Variants in SLC39A13 observed in about 807,000 individuals in gnomAD.
The protein encoded by SLC39A13 is solute carrier family 39 member 13.
Under a neutral mutation model 38.7 loss-of-function variants are expected in SLC39A13, and 18 were observed. That is an observed-to-expected ratio of 0.47 (90% CI 0.32 to 0.69). The LOEUF is 0.69. SLC39A13 is among the 30% of genes least tolerant of loss of function. The probability of loss-of-function intolerance (pLI) is 0.03; values close to 1 mark genes in which losing one functional copy is unlikely to be tolerated. For synonymous variants in SLC39A13, 212 were observed against 219.1 expected, an observed-to-expected ratio of 0.97 and a Z score of 0.29; for missense variants, 395 against 490.7, an observed-to-expected ratio of 0.80 and a Z score of 1.84.
At position 47,413,281 on chromosome 11, in the gene SLC39A13, C is replaced by T. The variant is rs539312069; in HGVS notation, c.538-119C>T. The T allele has an allele frequency of 7.3e-5, 76 of 1,037,404 alleles. No homozygotes were observed. In the Middle Eastern group the frequency reaches 1.5e-3, roughly 20 times the overall value. 64.3% of individuals were successfully genotyped at this position (1,037,404 alleles called of 1,614,324 possible). A position where few individuals can be genotyped will look rare whatever the true frequency, so the allele number is the denominator to read the frequency against. On this transcript the variant is annotated intron_variant, in intron 4 of 9. Coordinates refer to ENST00000362021, the MANE Select transcript of SLC39A13 (RefSeq NM_001128225.3). The stretch of plus-strand genomic sequence containing the variant: ...TTGGGCTCCCAAAGTGCTGGGATTA[C>T]AGGCATGAGCCACTGCACCCAGCCC...
rs756288972 is a variant in SLC39A13 at position 47,411,888 on chromosome 11, G to A, written c.302-38G>A. The A allele has an allele frequency of 5.3e-5, 84 of 1,588,996 alleles. 1 individual carries two copies. In the South Asian group the frequency reaches 9.1e-4, roughly 17 times the overall value. ...GATGAAGGTCAGGCCAGGAGCTCCA[G>A]CCAGTCAGCCCCCAGACCCCGCATC... is the stretch of plus-strand genomic sequence containing the variant. On this transcript the variant is annotated intron_variant, in intron 2 of 9. Transcript: ENST00000362021.
chr11:47,415,410 C>G lies in SLC39A13; in HGVS notation c.*47C>G. On this transcript the variant is annotated 3_prime_UTR_variant, in exon 10 of 10. Transcript: ENST00000362021. ...CTGCCCCCTGCAGCAATAAGATGCTCGGATTCACTCTGTGACCGCATATGT... is the reference window on the plus strand; with the variant it reads ...CTGCCCCCTGCAGCAATAAGATGCTGGGATTCACTCTGTGACCGCATATGT... 1.3e-6 allele frequency: 2 copies of G among 1,599,184 alleles called. No individual in the cohort carries two copies. Among genetic ancestry groups the G allele is most frequent in the East Asian group, 2.2e-5 (1 of 44,820 alleles).
chr11:47,412,357 CA>C lies in SLC39A13; in HGVS notation c.428del (p.Gln143ArgfsTer18). ...GCCGCCCCCTGCAGGTGGTGAGGGG[CA>C]GAGCCTGCAGCAGCAGCAACAGCTG... ...TCSASPGGEG[Q>X]SLQQQQQLGL... On this transcript the variant is annotated frameshift_variant, in exon 4 of 10. Transcript: ENST00000362021. LOFTEE classifies it high-confidence loss of function. The C allele has an allele frequency of 6.2e-7, 1 of 1,613,726 alleles. No individual in the cohort carries two copies. Among genetic ancestry groups the C allele is most frequent in the Non-Finnish European group, 8.5e-7 (1 of 1,179,808 alleles).
rs2153299580 is a variant in SLC39A13, at chr11:47,413,644, C to T, written c.693C>T (p.Thr231=). 1 of 1,614,232 alleles carries T rather than the reference C, an allele frequency of 6.2e-7. No homozygotes were observed. ...TGGCCAACACCATCGATAACTTCAC[C>T]CACGGGCTGGCTGTGGCTGCCAGCT... ...NLLANTIDNF[T]HGLAVAASFL... is the part of the protein sequence containing the mutation. The change falls in exon 6 of 10, where the codon ACC becomes ACT. Residue 231 remains threonine, a synonymous_variant. Transcript: ENST00000362021.
chr11:47,414,366 G>T, intron 6 of SLC39A13, 59 bp from the exon 7 acceptor site: 1 of 1,558,118 alleles, frequency 6.4e-7, no homozygotes. Flanking sequence ...GAATGAGTGG[G>T]CGAGTGGGGT....
At chr11:47,409,859 A>G in intron 1 of SLC39A13, 2 of 537,328 alleles carry the variant, frequency 3.7e-6, no homozygotes, top group East Asian at 3.1e-5. Context: ...GTGCTGACAC[A>G]GTCTGGAGCT....
At position 47,415,351 on chromosome 11, in the gene SLC39A13, C is replaced by G. The variant is rs748581195; in HGVS notation, c.1104C>G (p.Leu368=). ...TCGTGGTAATGGTGCTGTTCTCGCT[C>G]TTCGTGGATTAACTTTCCCTGATGC... is the stretch of plus-strand genomic sequence containing the variant. ...AGIVVMVLFS[L]FVD Residue 368 remains leucine, a synonymous_variant, in exon 10 of 10, where the codon CTC becomes CTG. Coordinates refer to ENST00000362021, the MANE Select transcript of SLC39A13 (RefSeq NM_001128225.3). The G allele has an allele frequency of 6.2e-7, 1 of 1,614,128 alleles. No homozygotes were observed. The highest frequency in any genetic ancestry group is 8.5e-7 in the Non-Finnish European group (1 of 1,180,022).
At chr11:47,412,238 C>T (rs2096003260) in intron 3 of SLC39A13, 108 bp from the exon 4 acceptor site, 2 of 1,470,084 alleles carry the variant, frequency 1.4e-6, no homozygotes, top group South Asian at 2.4e-5. Context: ...CCCAACCCAC[C>T]CTTGTCACTG....
At chr11:47,409,889 G>T in intron 1 of SLC39A13, 198 bp from the exon 2 acceptor site, 1 of 609,264 alleles carries the variant, frequency 1.6e-6, no homozygotes, top group Non-Finnish European at 2.9e-6. Flanking sequence ...GAAAAAATAC[G>T]CAGTGCTCAG....
chr11:47,414,325 G>C, intron 6 of SLC39A13, 100 bp from the exon 7 acceptor site: 1 of 1,406,312 alleles, frequency 7.1e-7, no homozygotes, highest in Non-Finnish European at 9.8e-7. Flanking sequence ...TGCCCACCCA[G>C]AGCCAGCTCA....
At position 47,410,239 on chromosome 11, in the gene SLC39A13, GACA is replaced by G; in HGVS notation, c.150_152del (p.Asn50del). 1 of 1,614,136 alleles carries G rather than the reference GACA, an allele frequency of 6.2e-7. No individual in the cohort carries two copies. Among genetic ancestry groups the G allele is most frequent in the Admixed American group, 1.7e-5 (1 of 60,022 alleles). On this transcript the variant is annotated inframe_deletion, in exon 2 of 10. Coordinates refer to ENST00000362021, the MANE Select transcript of SLC39A13 (RefSeq NM_001128225.3). The stretch of plus-strand genomic sequence containing the variant: ...GGGGACTGCGACGGCCTGTCGCCTG[GACA>G]ACAAGGAAAGCGAGTCCTGGGGGGC...
rs2153302717 is a variant in SLC39A13 at position 47,416,252 on chromosome 11, C to G, written c.*889C>G. Reference sequence around the variant, plus strand: ...GGGGGCGGTGAGGGCTCCACGTTGTCAGCGCTCAGGAATGTGCTCCGGCAG... The same window carrying G: ...GGGGGCGGTGAGGGCTCCACGTTGTGAGCGCTCAGGAATGTGCTCCGGCAG... On this transcript the variant is annotated 3_prime_UTR_variant, in exon 10 of 10. Coordinates refer to ENST00000362021, the MANE Select transcript of SLC39A13 (RefSeq NM_001128225.3). 6.5e-6 allele frequency: 1 copy of G among 152,938 alleles called. No individual in the cohort carries two copies. Among genetic ancestry groups the G allele is most frequent in the East Asian group, 1.9e-4 (1 of 5,178 alleles). 9.5% of individuals were successfully genotyped at this position (152,938 alleles called of 1,614,324 possible). A position where few individuals can be genotyped will look rare whatever the true frequency, so the allele number is the denominator to read the frequency against.
chr11:47,414,399 C>G (rs760323717), intron 6 of SLC39A13, 26 bp from the exon 7 acceptor site: 1 of 1,599,764 alleles, frequency 6.3e-7, no homozygotes, highest in Non-Finnish European at 8.5e-7. Flanking sequence ...ACACAGACCC[C>G]GCAGCCACGG....
chr11:47,412,384 G>A lies in SLC39A13; in HGVS notation c.454G>A (p.Gly152Arg), dbSNP rs777552790. The A allele has an allele frequency of 1.2e-6, 2 of 1,614,204 alleles. No homozygotes were observed. Among genetic ancestry groups the A allele is most frequent in the South Asian group, 2.2e-5 (2 of 91,086 alleles). The stretch of plus-strand genomic sequence containing the variant: ...GAGCCTGCAGCAGCAGCAACAGCTG[G>A]GGCTGTGGGTCATTGCTGGCATCCT... ...GQSLQQQQQL[G>R]LWVIAGILTF... Residue 152 changes from glycine (G) to arginine (R), a missense_variant, in exon 4 of 10, where the codon GGG (glycine) becomes AGG (arginine). Coordinates refer to ENST00000362021, the MANE Select transcript of SLC39A13 (RefSeq NM_001128225.3).
intron 1 of SLC39A13, 100 bp from the exon 2 acceptor site, chr11:47,409,987 A>G: frequency 1.4e-6 from 2 of 1,422,154 alleles, no homozygotes; most frequent in Middle Eastern, 2.5e-4. Flanking sequence ...AGGAGGGTGG[A>G]TGCCAGGGTC....
upstream of SLC39A13, chr11:47,408,586 G>C (rs2095981457): frequency 6.8e-6 from 1 of 146,952 alleles, no homozygotes; most frequent in African/African-American, 2.4e-5. Context: ...CGGCCGGGCG[G>C]GGCAGAGCCT....
upstream of SLC39A13, among the ~76,000 whole-genome samples, chr11:47,408,433 C>A (rs1405414867): frequency 4.0e-4 from 60 of 151,788 alleles, no homozygotes; most frequent in Non-Finnish European, 5.0e-4. Flanking sequence ...CTACCCGGGT[C>A]CCCCACCGCC....
In SLC39A13 at chr11:47,409,781, G is replaced by A. The variant is rs536438285; in HGVS notation, c.-8-306G>A. The A allele has an allele frequency of 4.2e-3, 1,485 of 350,098 alleles. 21 individuals are homozygous for A. Among genetic ancestry groups the A allele is most frequent in the South Asian group, 0.021 (706 of 33,056 alleles). The allele number at this position is 350,098 out of a possible 1,614,324, so 21.7% of individuals were successfully genotyped here. On this transcript the variant is annotated intron_variant, in intron 1 of 9. Transcript: ENST00000362021. ...ACACCCAGCTGGGCCGGGCCGTGCC[G>A]CCGGTGGCTGAGGAGAGCCAGCCAG...
intron 6 of SLC39A13, chr11:47,413,947 C>A (rs1443552523): frequency 4.3e-6 from 3 of 702,638 alleles, no homozygotes; most frequent in East Asian, 2.7e-5. Flanking sequence ...CTAGATGCTT[C>A]TTCCTCTACC....
Sources: allele counts gnomAD v4.1 joint callset (sites outside exome capture counted in the v4.1 genomes callset), GRCh38; gene constraint gnomAD v4.1.1; transcripts MANE v1.5; gene names NCBI Gene and HGNC (gene_info 2026-07-23, HGNC 2026-07-21).